Variants in TDRP observed in about 807,000 individuals in gnomAD.
The protein encoded by TDRP is testis development-related protein.
Under a neutral mutation model 10.5 loss-of-function variants are expected in TDRP, and 12 were observed. The observed-to-expected ratio is 1.15, with a 90% CI of 0.73 to 1.86. The LOEUF is 1.86. Among genes scored for constraint, TDRP ranks in the 40% most tolerant of loss-of-function variants. TDRP has a pLI of 0.00. For synonymous variants in TDRP, 139 were observed against 95.4 expected (o/e 1.46, Z -2.67); for missense variants, 353 against 229.2 (o/e 1.54, Z -3.49).
At chr8:505,358 G>A (rs1256364015) in intron 1 of TDRP, among the ~76,000 whole-genome samples, 1 of 152,212 alleles carries the variant, frequency 6.6e-6, no homozygotes, top group African/African-American at 2.4e-5. Flanking sequence ...TTGTGAAACA[G>A]GGGTGGGAAG....
intron 1 of TDRP, among the ~76,000 whole-genome samples, chr8:523,006 AT>A (rs1219303517): frequency 6.6e-6 from 1 of 152,166 alleles, no homozygotes; most frequent in Non-Finnish European, 1.5e-5. Flanking sequence ...AGTTTAATCC[AT>A]TTACATGGAA....
At chr8:529,999 A>G (rs2116850904) in intron 1 of TDRP, among the ~76,000 whole-genome samples, 2 of 152,104 alleles carry the variant, frequency 1.3e-5, no homozygotes, top group East Asian at 3.9e-4. Context: ...TGGGACTTCT[A>G]CAATATGTAT....
rs1226251657 is a variant in TDRP at position 490,717 on chromosome 8, G to C, written c.*1682C>G. The C allele has an allele frequency of 6.6e-6, 1 of 152,214 alleles. No individual in the cohort carries two copies. The highest frequency in any genetic ancestry group is 1.5e-5 in the Non-Finnish European group (1 of 68,048). The allele number at this position is 152,214 out of a possible 1,614,324, so 9.4% of individuals were successfully genotyped here. A position where few individuals can be genotyped will look rare whatever the true frequency, so the allele number is the denominator to read the frequency against. ...AGGAAACTTAGAATTTGTCAACTTAGCTGTTATACTAAAAATTATGAACTT... is the reference window on the plus strand; with the variant it reads ...AGGAAACTTAGAATTTGTCAACTTACCTGTTATACTAAAAATTATGAACTT... On this transcript the variant is annotated 3_prime_UTR_variant, in exon 3 of 3. Coordinates refer to ENST00000324079, the MANE Select transcript of TDRP (RefSeq NM_001384899.1).
chr8:539,579 T>C (rs1248320358), intron 1 of TDRP, among the ~76,000 whole-genome samples: 2 of 152,158 alleles, frequency 1.3e-5, no homozygotes, highest in Admixed American at 1.3e-4. Context: ...TGTGAAGGTG[T>C]TTACTGCAGG....
intron 1 of TDRP, among the ~76,000 whole-genome samples, chr8:533,710 T>C (rs1027843845): frequency 2.0e-5 from 3 of 152,180 alleles, no homozygotes; most frequent in African/African-American, 7.2e-5. Context: ...TTCTTCCCTG[T>C]ACAGCCCTCC....
chr8:540,806 TAAAAAAAAAAAA>T (rs60390652), intron 1 of TDRP, among the ~76,000 whole-genome samples: 1 of 125,014 alleles, frequency 8.0e-6, no homozygotes, highest in Non-Finnish European at 1.7e-5. Context: ...CTTTTTCACG[TAAAAAAAAAAAA>T]AAAAAAAAAG....
intron 1 of TDRP, among the ~76,000 whole-genome samples, chr8:530,679 C>A (rs932925104): frequency 6.6e-6 from 1 of 152,192 alleles, no homozygotes. Context: ...TGCAAGTTGT[C>A]TGGCAGGGCA....
At chr8:495,384 A>C (rs1266210634) in intron 1 of TDRP, among the ~76,000 whole-genome samples, 1 of 152,250 alleles carries the variant, frequency 6.6e-6, no homozygotes, top group African/African-American at 2.4e-5. Flanking sequence ...CCATGGAGAC[A>C]GTGACCCTTG....
At chr8:514,478 G>T (rs762348789) in intron 1 of TDRP, among the ~76,000 whole-genome samples, 1 of 152,084 alleles carries the variant, frequency 6.6e-6, no homozygotes, top group East Asian at 1.9e-4. Flanking sequence ...CACAAAACTG[G>T]GGACAGGATG....
chr8:506,413 G>C (rs961896161), intron 1 of TDRP, among the ~76,000 whole-genome samples: 1 of 152,186 alleles, frequency 6.6e-6, no homozygotes, highest in African/African-American at 2.4e-5. Context: ...CATCCCAGGA[G>C]GAACTGGACT....
chr8:503,200 G>C (rs1033598624), intron 1 of TDRP, among the ~76,000 whole-genome samples: 1 of 151,876 alleles, frequency 6.6e-6, no homozygotes, highest in Non-Finnish European at 1.5e-5. Context: ...CACCAACACA[G>C]AATCCACAGC....
rs75427289 is a variant in TDRP, at chr8:511,232, A to C, written c.109-16635T>G. Reference sequence around the variant, plus strand: ...TACAATCCAACTAAATACTGCCTATAGGAGACACACTTTAGAATCAAAGAT... The same window carrying C: ...TACAATCCAACTAAATACTGCCTATCGGAGACACACTTTAGAATCAAAGAT... On this transcript the variant is annotated intron_variant, in intron 1 of 2. Coordinates refer to ENST00000324079, the MANE Select transcript of TDRP (RefSeq NM_001384899.1). 4.9e-3 allele frequency among the ~76,000 whole-genome samples: 745 copies of C among 152,356 alleles called. 8 individuals are homozygous for C. The highest frequency in any genetic ancestry group is 0.017 in the African/African-American group (720 of 41,584).
Position 492,660 on chromosome 8 carries a change from C to T in TDRP, c.297G>A (p.Gln99=), listed in dbSNP as rs765554410. The T allele has an allele frequency of 8.1e-6, 13 of 1,614,004 alleles. No individual in the cohort carries two copies. In the South Asian group the frequency reaches 1.4e-4, roughly 18 times the overall value. ...WDNLVLKQNI[Q]SKKPDEIEGW... ...CTTCAATTTCATCTGGTTTTTTAGA[C>T]TGTATATTCTGTTTTAAAACCAAAT... Residue 99 remains glutamine, a synonymous_variant, in exon 3 of 3, where the codon CAG becomes CAA. Coordinates refer to ENST00000324079, the MANE Select transcript of TDRP (RefSeq NM_001384899.1).
chr8:544,873 G>A (rs1802597698), upstream of TDRP: 6 of 662,994 alleles, frequency 9.0e-6, no homozygotes, highest in Non-Finnish European at 1.3e-5. Context: ...AGTGGGCCGG[G>A]CGGGGCTAGG....
chr8:521,797 T>A (rs927625978), intron 1 of TDRP, among the ~76,000 whole-genome samples: 1 of 152,214 alleles, frequency 6.6e-6, no homozygotes, highest in African/African-American at 2.4e-5. Context: ...GAGATTTGCA[T>A]TGAACCAGTG....
intron 1 of TDRP, among the ~76,000 whole-genome samples, chr8:510,344 A>G (rs1299068098): frequency 6.6e-6 from 1 of 152,072 alleles, no homozygotes; most frequent in Non-Finnish European, 1.5e-5. Flanking sequence ...AAGTCACTTC[A>G]TTAGCATAAG....
intron 1 of TDRP, among the ~76,000 whole-genome samples, chr8:506,135 G>A (rs537043490): frequency 1.3e-5 from 2 of 152,268 alleles, no homozygotes; most frequent in African/African-American, 4.8e-5. Flanking sequence ...GAATACTCCA[G>A]ATTTCCCTGT....
intron 1 of TDRP, among the ~76,000 whole-genome samples, chr8:504,380 CA>C (rs1452424805): frequency 1.3e-5 from 2 of 152,086 alleles, no homozygotes; most frequent in Non-Finnish European, 2.9e-5. Flanking sequence ...GGGGGTGCAG[CA>C]ATAAAGCATT....
chr8:508,132 A>C (rs1463608304), intron 1 of TDRP, among the ~76,000 whole-genome samples: 3 of 152,200 alleles, frequency 2.0e-5, no homozygotes, highest in African/African-American at 7.2e-5. Flanking sequence ...GTACGACGGC[A>C]ATGTTGCATC....
Sources: gnomAD v4.1 joint callset for allele counts (sites outside exome capture counted in the v4.1 genomes callset) on GRCh38, gnomAD v4.1.1 for gene constraint, MANE v1.5 for transcripts, NCBI Gene and HGNC (gene_info 2026-07-23, HGNC 2026-07-21) for gene names.